Variants in UBXN4 observed in about 807,000 individuals in gnomAD.
The protein encoded by UBXN4 is UBX domain protein 4, also known as UBX domain-containing protein 4.
Under a neutral mutation model 66.2 loss-of-function variants are expected in UBXN4, and 35 were observed. The ratio of observed to expected loss-of-function variants is 0.53; its 90% CI spans 0.40 to 0.70. The LOEUF is 0.70. UBXN4 is among the 30% of genes least tolerant of loss of function. UBXN4 has a pLI of 0.00. For missense variants in UBXN4, 533 were observed against 599.8 expected (o/e 0.89, Z 1.16); for synonymous variants, 203 against 204.5 (o/e 0.99, Z 0.06).
chr2:135,778,882 T>C (rs970820091), intron 10 of UBXN4, 66 bp from the exon 11 acceptor site: 1 of 1,427,234 alleles, frequency 7.0e-7, no homozygotes, highest in African/African-American at 1.4e-5. Context: ...AGCATCATTT[T>C]GGATTCATCT....
chr2:135,758,482 G>A (rs1243632511), intron 5 of UBXN4, among the ~76,000 whole-genome samples: 9 of 152,060 alleles, frequency 5.9e-5, no homozygotes, highest in Admixed American at 5.2e-4. Context: ...TGAAAGTGCT[G>A]GGATTACAGG....
chr2:135,756,350 C>T (rs1432849458), intron 5 of UBXN4, among the ~76,000 whole-genome samples: 2 of 152,182 alleles, frequency 1.3e-5, no homozygotes, highest in Non-Finnish European at 2.9e-5. Flanking sequence ...TATTTGAATG[C>T]ATTCAATGAT....
intron 5 of UBXN4, 60 bp downstream of exon 5, chr2:135,755,751 T>A: frequency 1.9e-6 from 2 of 1,027,854 alleles, no homozygotes; most frequent in South Asian, 8.0e-5. Flanking sequence ...TTTTAATATT[T>A]AAATATTAAT....
At chr2:135,782,633 A>T in intron 12 of UBXN4, 116 bp from the exon 13 acceptor site, 1 of 1,235,544 alleles carries the variant, frequency 8.1e-7, no homozygotes, top group Non-Finnish European at 1.1e-6. Context: ...TCCTTACTTT[A>T]GATGGCATTA....
In UBXN4 at chr2:135,754,246, A is replaced by T; in HGVS notation, c.302A>T (p.Glu101Val). 2 of 1,614,078 alleles carry T rather than the reference A, an allele frequency of 1.2e-6. No individual in the cohort carries two copies. Among genetic ancestry groups the T allele is most frequent in the Non-Finnish European group, 8.5e-7 (1 of 1,179,938 alleles). Residue 101 changes from glutamate (E) to valine (V), a missense_variant, in exon 4 of 13, where the codon GAA becomes GTA. Around this residue, in one of 2 missense-constraint regions of UBXN4, gnomAD observed 529 missense variants for 580.1 expected, o/e 0.91. Coordinates refer to ENST00000272638, the MANE Select transcript of UBXN4 (RefSeq NM_014607.4). ...EVIAGSVSADELVTRIHKVRQ... is the reference protein window; with the variant it reads ...EVIAGSVSADVLVTRIHKVRQ... The stretch of plus-strand genomic sequence containing the variant: ...ATAGCAGGAAGTGTTTCTGCAGATG[A>T]ACTTGTTACAAGAATTCACAAGGTC...
Position 135,754,264 on chromosome 2 carries a change from A to G in UBXN4, c.320A>G (p.His107Arg). The G allele has an allele frequency of 6.2e-7, 1 of 1,612,276 alleles. No individual in the cohort carries two copies. The highest frequency in any genetic ancestry group is 1.3e-5 in the African/African-American group (1 of 75,044). The change falls in exon 4 of 13, where the codon CAC becomes CGC. Residue 107 changes from histidine (H) to arginine (R), a missense_variant. By Grantham distance (29) the His-to-Arg change is conservative. Around this residue, in one of 2 missense-constraint regions of UBXN4, gnomAD observed 529 missense variants for 580.1 expected, o/e 0.91. Transcript: ENST00000272638. ...VSADELVTRIHKVRQMHLLKS... is the reference protein window; with the variant it reads ...VSADELVTRIRKVRQMHLLKS... ...GCAGATGAACTTGTTACAAGAATTC[A>G]CAAGGTCCGACAGGTAAGAAGGAAC...
chr2:135,763,488 G>A (rs1191196671), intron 6 of UBXN4, among the ~76,000 whole-genome samples: 1 of 152,136 alleles, frequency 6.6e-6, no homozygotes, highest in East Asian at 1.9e-4. Context: ...GACCTTGATG[G>A]TATTTTAAAA....
At chr2:135,765,911 G>T (rs2077344024) in intron 6 of UBXN4, among the ~76,000 whole-genome samples, 1 of 152,028 alleles carries the variant, frequency 6.6e-6, no homozygotes, top group African/African-American at 2.4e-5. Flanking sequence ...CCAGCACTTT[G>T]GGAGGCCGAG....
intron 11 of UBXN4, among the ~76,000 whole-genome samples, chr2:135,779,805 G>T (rs907153722): frequency 6.9e-6 from 1 of 144,446 alleles, no homozygotes; most frequent in African/African-American, 2.5e-5. Context: ...AATTACAATT[G>T]TATATATAAT....
At chr2:135,778,797 GC>G (rs2077433118) in intron 10 of UBXN4, 150 bp from the exon 11 acceptor site, 2 of 835,578 alleles carry the variant, frequency 2.4e-6, no homozygotes, top group Non-Finnish European at 3.4e-6. Flanking sequence ...CTGCTTAGGG[GC>G]TGGAAGCACA....
intron 7 of UBXN4, 66 bp from the exon 8 acceptor site, chr2:135,770,505 C>G: frequency 8.8e-7 from 1 of 1,130,484 alleles, no homozygotes; most frequent in Non-Finnish European, 1.2e-6. Context: ...GTTTTCGTTG[C>G]ATTCAAAATA....
At position 135,784,081 on chromosome 2, in the gene UBXN4, A is replaced by G. The variant is rs1322573781; in HGVS notation, c.*1194A>G. 1 of 152,220 alleles carries G rather than the reference A, an allele frequency of 6.6e-6. No individual in the cohort carries two copies. Among genetic ancestry groups the G allele is most frequent in the African/African-American group, 2.4e-5 (1 of 41,588 alleles). 9.4% of individuals were successfully genotyped at this position (152,220 alleles called of 1,614,324 possible). ...ATGGTGACAGTGTTGGCAAGGAAAC[A>G]GCAACACAGGCTGCGCTGTTGGTAG... On this transcript the variant is annotated 3_prime_UTR_variant, in exon 13 of 13. Coordinates refer to ENST00000272638, the MANE Select transcript of UBXN4 (RefSeq NM_014607.4).
At chr2:135,763,354 G>T (rs1256809853) in intron 6 of UBXN4, among the ~76,000 whole-genome samples, 2 of 152,116 alleles carry the variant, frequency 1.3e-5, no homozygotes, top group Admixed American at 1.3e-4. Context: ...TAGTTTCCCT[G>T]TCTCTCTGAA....
At chr2:135,742,708 T>C (rs1407520595) in intron 1 of UBXN4, 1 of 152,206 alleles carries the variant, frequency 6.6e-6, no homozygotes, top group Non-Finnish European at 1.5e-5. Context: ...TCACGGTTAC[T>C]GGTGTTAGTA....
chr2:135,754,600 G>A (rs999174312), intron 4 of UBXN4, among the ~76,000 whole-genome samples: 30 of 152,064 alleles, frequency 2.0e-4, no homozygotes, highest in African/African-American at 7.0e-4. Context: ...TGAGATTACA[G>A]GTGTGAGCCA....
chr2:135,779,017 G>A lies in UBXN4; in HGVS notation c.1123G>A (p.Asp375Asn). 1 of 1,613,776 alleles carries A rather than the reference G, an allele frequency of 6.2e-7. No individual in the cohort carries two copies. Among genetic ancestry groups the A allele is most frequent in the Non-Finnish European group, 8.5e-7 (1 of 1,179,872 alleles). ...MFPRREFTKE[D>N]YKKKLLDLEL... is the part of the protein sequence containing the mutation. ...TCCCAGGAGGGAATTTACCAAAGAA[G>A]ATTATAAAAAGAAGTTACTGGATTT... is the stretch of plus-strand genomic sequence containing the variant. Residue 375 changes from aspartate to asparagine, a missense_variant, in exon 11 of 13, where the codon GAT (aspartate) becomes AAT (asparagine). By Grantham distance (23) the Asp-to-Asn change is conservative (BLOSUM62 1). Around this residue, in one of 2 missense-constraint regions of UBXN4, gnomAD observed 529 missense variants for 580.1 expected, o/e 0.91. Coordinates refer to ENST00000272638, the MANE Select transcript of UBXN4 (RefSeq NM_014607.4).
chr2:135,762,335 C>G (rs1245937425), intron 6 of UBXN4, among the ~76,000 whole-genome samples: 1 of 152,150 alleles, frequency 6.6e-6, no homozygotes, highest in Non-Finnish European at 1.5e-5. Context: ...TAATCAGATA[C>G]AAATTTCTGG....
At chr2:135,752,881 G>C (rs534155221) in intron 2 of UBXN4, among the ~76,000 whole-genome samples, 1 of 150,890 alleles carries the variant, frequency 6.6e-6, no homozygotes, top group Non-Finnish European at 1.5e-5. Flanking sequence ...CCACCACGCC[G>C]AGCTAATTTT....
chr2:135,751,654 AT>A (rs2077242546), intron 2 of UBXN4, among the ~76,000 whole-genome samples: 1 of 151,358 alleles, frequency 6.6e-6, no homozygotes, highest in Non-Finnish European at 1.5e-5. Context: ...TTTTGGGATC[AT>A]TTTAGTGTGT....
Sources: allele counts gnomAD v4.1 joint callset (sites outside exome capture counted in the v4.1 genomes callset), GRCh38; gene constraint gnomAD v4.1.1; regional missense constraint gnomAD v4.1.1; transcripts MANE v1.5; gene names NCBI Gene and HGNC (gene_info 2026-07-23, HGNC 2026-07-21).